The following NRP1 variants were observed in gnomAD, a reference collection of about 807,000 sequenced individuals.
NRP1 encodes neuropilin-1.
In NRP1, 35 loss-of-function variants were observed where a neutral mutation model predicts 106.7. The ratio of observed to expected loss-of-function variants is 0.33; its 90% CI spans 0.25 to 0.43. The LOEUF (loss-of-function observed/expected upper bound fraction) is 0.43, where lower values mean the gene tolerates loss of function less well. Ranked by LOEUF, NRP1 falls within the 20% of genes least tolerant of loss-of-function variation. The probability of loss-of-function intolerance (pLI) is 1.00; values close to 1 mark genes in which losing one functional copy is unlikely to be tolerated. For missense variants in NRP1, 1,024 were observed against 1,170.4 expected, an observed-to-expected ratio of 0.87 and a Z score of 1.83; for synonymous variants, 437 against 417.9, an observed-to-expected ratio of 1.05 and a Z score of -0.56.
intron 6 of NRP1, among the ~76,000 whole-genome samples, chr10:33,231,788 C>T (rs1000626075): frequency 6.6e-6 from 1 of 152,052 alleles, no homozygotes; most frequent in African/African-American, 2.4e-5. Context: ...GATTTCTATG[C>T]TCAAGATGGC....
intron 6 of NRP1, among the ~76,000 whole-genome samples, chr10:33,244,651 A>G (rs1262729130): frequency 1.3e-5 from 2 of 152,192 alleles, no homozygotes; most frequent in African/African-American, 4.8e-5. Context: ...TGGAAACTTA[A>G]TATTATCTTT....
At chr10:33,189,139 AACACACAC>A (rs57366065) in intron 13 of NRP1, among the ~76,000 whole-genome samples, 2 of 148,950 alleles carry the variant, frequency 1.3e-5, no homozygotes, top group African/African-American at 4.9e-5. Context: ...TGTCCTGCCA[AACACACAC>A]ACACACACAC....
At chr10:33,263,107 G>A (rs1842684335) in intron 4 of NRP1, among the ~76,000 whole-genome samples, 1 of 152,232 alleles carries the variant, frequency 6.6e-6, no homozygotes, top group South Asian at 2.1e-4. Context: ...AATGTACAGG[G>A]AACCTGTCTA....
chr10:33,334,002 G>A (rs897352951), intron 1 of NRP1, among the ~76,000 whole-genome samples: 6 of 152,100 alleles, frequency 3.9e-5, no homozygotes, highest in African/African-American at 1.2e-4. Context: ...ATTGCCTTTG[G>A]GAGGAAACAT....
intron 5 of NRP1, among the ~76,000 whole-genome samples, chr10:33,255,475 G>C (rs1444042468): frequency 1.3e-5 from 2 of 152,110 alleles, no homozygotes; most frequent in African/African-American, 4.8e-5. Flanking sequence ...TTGTTCTTGA[G>C]ACTGGGTCTC....
rs774445478 is a variant in NRP1, at chr10:33,263,840, C to G, written c.464G>C (p.Ser155Thr). 6.2e-7 allele frequency: 1 copy of G among 1,613,558 alleles called. No homozygotes were observed. The highest frequency in any genetic ancestry group is 1.1e-5 in the South Asian group (1 of 91,058). Residue 155 changes from serine to threonine, a missense_variant, in exon 4 of 17, where the codon AGT becomes ACT. By Grantham distance (58) the Ser-to-Thr change is moderately conservative. Around this residue, in one of 5 missense-constraint regions of NRP1, gnomAD observed 279 missense variants for 327.4 expected, o/e 0.85. Transcript: ENST00000374867. Reference sequence around the variant, plus strand: ...GAATCCGGGGGACTTTATCACTCCACTAGGTGTTGTGTAGTTCTGGGAACA... The same window carrying G: ...GAATCCGGGGGACTTTATCACTCCAGTAGGTGTTGTGTAGTTCTGGGAACA... ...PECSQNYTTP[S>T]GVIKSPGFPE...
At chr10:33,213,861 A>G (rs1838532314) in intron 8 of NRP1, 144 bp from the exon 9 acceptor site, 2 of 701,934 alleles carry the variant, frequency 2.8e-6, no homozygotes, top group East Asian at 2.8e-5. Context: ...TTTACAGTAA[A>G]TCTTTCCTCC....
intron 3 of NRP1, among the ~76,000 whole-genome samples, chr10:33,266,674 G>A (rs1383712183): frequency 6.6e-6 from 1 of 152,178 alleles, no homozygotes; most frequent in Non-Finnish European, 1.5e-5. Context: ...CAAATCTCAT[G>A]TCGAATTGTA....
chr10:33,278,432 T>C (rs887314184), intron 2 of NRP1, among the ~76,000 whole-genome samples: 4 of 152,156 alleles, frequency 2.6e-5, no homozygotes, highest in African/African-American at 9.7e-5. Context: ...AGAGCAGCAA[T>C]GTGACATCCA....
chr10:33,330,193 A>G (rs968948455), intron 2 of NRP1, among the ~76,000 whole-genome samples: 17 of 152,148 alleles, frequency 1.1e-4, no homozygotes, highest in African/African-American at 4.1e-4. Context: ...GCCTTATTTT[A>G]TTCAATTTGC....
chr10:33,234,134 G>A (rs565267715), intron 6 of NRP1, among the ~76,000 whole-genome samples: 9 of 152,182 alleles, frequency 5.9e-5, no homozygotes, highest in South Asian at 4.2e-4. Context: ...ATTAATAACC[G>A]GAAATTCATA....
chr10:33,216,639 G>A (rs1280340356), intron 8 of NRP1, among the ~76,000 whole-genome samples: 9 of 148,942 alleles, frequency 6.0e-5, no homozygotes, highest in Admixed American at 2.7e-4. Context: ...TTTTGGTCTC[G>A]CTATGTTGCC....
intron 2 of NRP1, among the ~76,000 whole-genome samples, chr10:33,308,547 C>T (rs542211667): frequency 4.0e-5 from 6 of 151,758 alleles, no homozygotes; most frequent in South Asian, 2.1e-4. Context: ...AGTTTAGTGG[C>T]GCGATCTCGG....
chr10:33,322,263 T>C (rs916579963), intron 2 of NRP1, among the ~76,000 whole-genome samples: 4 of 152,180 alleles, frequency 2.6e-5, no homozygotes, highest in Non-Finnish European at 5.9e-5. Flanking sequence ...AAATAAACAT[T>C]GTATTTATAT....
chr10:33,273,186 G>A (rs1843438681), intron 2 of NRP1, among the ~76,000 whole-genome samples: 1 of 152,098 alleles, frequency 6.6e-6, no homozygotes, highest in Non-Finnish European at 1.5e-5. Flanking sequence ...GAATTATTCA[G>A]GAATACTATA....
intron 2 of NRP1, among the ~76,000 whole-genome samples, chr10:33,283,777 G>T (rs189451005): frequency 6.9e-4 from 105 of 152,286 alleles, no homozygotes; most frequent in African/African-American, 2.5e-3. Flanking sequence ...GAGTAATTGT[G>T]TGTTTAGAAG....
intron 11 of NRP1, among the ~76,000 whole-genome samples, chr10:33,198,208 C>T (rs1436919673): frequency 6.8e-6 from 1 of 146,868 alleles, no homozygotes; most frequent in Non-Finnish European, 1.5e-5. Flanking sequence ...GTGGCACAAT[C>T]TCGGCTCACT....
intron 13 of NRP1, among the ~76,000 whole-genome samples, chr10:33,190,217 T>A (rs1190090227): frequency 6.6e-6 from 1 of 152,252 alleles, no homozygotes; most frequent in Non-Finnish European, 1.5e-5. Context: ...AGCTTTTGTC[T>A]CTGGCTAACA....
rs574069870 is a variant in NRP1 at position 33,304,174 on chromosome 10, T to C, written c.248+26534A>G. On this transcript the variant is annotated intron_variant, in intron 2 of 16. Transcript: ENST00000374867. The stretch of plus-strand genomic sequence containing the variant: ...AAATAACGGAAAGACATCATGGTAA[T>C]TAGGTTAGGAGTTGACCCAAGACAT... 3.3e-5 allele frequency among the ~76,000 whole-genome samples: 5 copies of C among 152,318 alleles called. No homozygotes were observed. In the South Asian group the frequency reaches 1.0e-3, roughly 32 times the overall value.
Sources: allele counts gnomAD v4.1 joint callset (sites outside exome capture counted in the v4.1 genomes callset), GRCh38; gene constraint gnomAD v4.1.1; regional missense constraint gnomAD v4.1.1; transcripts MANE v1.5; gene names NCBI Gene and HGNC (gene_info 2026-07-23, HGNC 2026-07-21).